The following CPSF2 variants were observed in gnomAD, a reference collection of about 807,000 sequenced individuals.
The protein encoded by CPSF2 is cleavage and polyadenylation specific factor 2, also known as cleavage and polyadenylation specificity factor subunit 2.
Under a neutral mutation model 84.2 loss-of-function variants are expected in CPSF2, and 51 were observed. That is an observed-to-expected ratio of 0.61 (90% CI 0.48 to 0.77). The LOEUF is 0.77. CPSF2 is among the 30% of genes least tolerant of loss of function. The pLI, the probability that CPSF2 is intolerant of heterozygous loss-of-function variation, is 0.00. For synonymous variants in CPSF2, 286 were observed against 311.9 expected, an observed-to-expected ratio of 0.92 and a Z score of 0.87; for missense variants, 641 against 929.4, an observed-to-expected ratio of 0.69 and a Z score of 4.03.
Position 92,154,465 on chromosome 14 carries a change from C to G in CPSF2, c.1241+7C>G, listed in dbSNP as rs1320428698. On this transcript the variant is annotated splice_region_variant and intron_variant, in intron 10 of 15. Coordinates refer to ENST00000298875, the MANE Select transcript of CPSF2 (RefSeq NM_017437.3). Reference sequence around the variant, plus strand: ...AGCTTGAGCAGTCAAAAGAGTGAGTCATTTTCAGACAGATTATAAATTTAT... The same window carrying G: ...AGCTTGAGCAGTCAAAAGAGTGAGTGATTTTCAGACAGATTATAAATTTAT... The G allele has an allele frequency of 2.6e-6, 4 of 1,547,168 alleles. No individual in the cohort carries two copies. Among genetic ancestry groups the G allele is most frequent in the African/African-American group, 1.4e-5 (1 of 72,750 alleles).
chr14:92,158,894 C>T, intron 13 of CPSF2, 89 bp from the exon 14 acceptor site: 1 of 1,209,556 alleles, frequency 8.3e-7, no homozygotes, highest in Non-Finnish European at 1.1e-6. Flanking sequence ...AACATATTAC[C>T]AGAGGTAGAA....
chr14:92,140,798 C>T (rs1366723413), intron 7 of CPSF2, among the ~76,000 whole-genome samples: 1 of 151,956 alleles, frequency 6.6e-6, no homozygotes, highest in African/African-American at 2.4e-5. Flanking sequence ...CCCGTAGTTC[C>T]AGCTGCTTGG....
At position 92,165,473 on chromosome 14, in the gene CPSF2, G is replaced by A. The variant is rs1567029787; in HGVS notation, c.*3729G>A. ...CTTTTTAAATTTTAGTCATCATAGT[G>A]TGGGTGAAGAAGTGTCTCACTGAGG... is the stretch of plus-strand genomic sequence containing the variant. On this transcript the variant is annotated 3_prime_UTR_variant, in exon 16 of 16. Coordinates refer to ENST00000298875, the MANE Select transcript of CPSF2 (RefSeq NM_017437.3). The A allele has an allele frequency of 2.6e-5, 4 of 152,138 alleles. 1 individual carries two copies. Among genetic ancestry groups the A allele is most frequent in the Admixed American group, 1.3e-4 (2 of 15,262 alleles). The allele number at this position is 152,138 out of a possible 1,614,324, so 9.4% of individuals were successfully genotyped here.
rs180801951 is a variant in CPSF2 at position 92,139,234 on chromosome 14, G to A, written c.661+887G>A. 5.2e-3 allele frequency among the ~76,000 whole-genome samples: 793 copies of A among 152,098 alleles called. 4 individuals are homozygous for A. Among genetic ancestry groups the A allele is most frequent in the South Asian group, 0.019 (90 of 4,822 alleles). ...AGATTGAGACCATCCTGGCTAACAC[G>A]GTGAAACCCCGTCTCTACTAAATAT... On this transcript the variant is annotated intron_variant, in intron 7 of 15. Transcript: ENST00000298875.
intron 9 of CPSF2, chr14:92,154,121 G>A (rs987848227): frequency 1.6e-5 from 5 of 307,766 alleles, no homozygotes; most frequent in African/African-American, 1.1e-4. Context: ...ACTGTGCCTG[G>A]CCAACCAGTT....
At chr14:92,149,084 C>T (rs2141472544) in intron 9 of CPSF2, among the ~76,000 whole-genome samples, 1 of 152,246 alleles carries the variant, frequency 6.6e-6, no homozygotes, top group African/African-American at 2.4e-5. Context: ...GAGACCCTTT[C>T]AGGGAGTCCA....
At position 92,161,162 on chromosome 14, in the gene CPSF2, C is replaced by T; in HGVS notation, c.2172C>T (p.Phe724=). Residue 724 remains phenylalanine (F), a synonymous_variant, in exon 15 of 16, where the codon TTC becomes TTT. Transcript: ENST00000298875. ...VFMNEPRLSD[F]KQVLLREGIQ... Reference sequence around the variant, plus strand: ...TGAATGAACCAAGGCTGTCAGACTTCAAGCAAGTTCTCTTACGGGAGGGGA... The same window carrying T: ...TGAATGAACCAAGGCTGTCAGACTTTAAGCAAGTTCTCTTACGGGAGGGGA... 6.2e-7 allele frequency: 1 copy of T among 1,613,922 alleles called. No homozygotes were observed. The highest frequency in any genetic ancestry group is 8.5e-7 in the Non-Finnish European group (1 of 1,179,896).
At chr14:92,161,057 T>G in intron 14 of CPSF2, 55 bp from the exon 15 acceptor site, 1 of 1,552,220 alleles carries the variant, frequency 6.4e-7, no homozygotes, top group East Asian at 2.3e-5. Flanking sequence ...TTCAGTACAG[T>G]TGTATGTCTG....
In CPSF2 at chr14:92,158,964, C is replaced by T. The variant is rs74074439; in HGVS notation, c.1822-19C>T. ...TATTCTGTGGGTTTTATTTCTCTCC[C>T]CCTCCTTTGCATGTCTAGGTGAGGT... On this transcript the variant is annotated intron_variant, in intron 13 of 15. Transcript: ENST00000298875. 4.0e-3 allele frequency: 6,261 copies of T among 1,577,240 alleles called. 232 individuals carry two copies. In the African/African-American group the frequency reaches 0.078, roughly 20 times the overall value.
intron 9 of CPSF2, among the ~76,000 whole-genome samples, chr14:92,151,347 C>T (rs1469676931): frequency 6.6e-6 from 1 of 151,688 alleles, no homozygotes; most frequent in African/African-American, 2.4e-5. Flanking sequence ...GAGCAGTGAT[C>T]ATGCCACTGC....
intron 15 of CPSF2, 79 bp downstream of exon 15, chr14:92,161,325 T>C (rs905053517): frequency 2.7e-6 from 4 of 1,469,188 alleles, no homozygotes; most frequent in Admixed American, 2.5e-5. Flanking sequence ...TAATTCTTGT[T>C]TGGTATTTTC....
In CPSF2 at chr14:92,172,049, T is replaced by G. The variant is rs1290283645; in HGVS notation, c.*10305T>G. The G allele has an allele frequency of 6.6e-6, 1 of 152,204 alleles. No homozygotes were observed. The highest frequency in any genetic ancestry group is 1.5e-5 in the Non-Finnish European group (1 of 68,040). The allele number at this position is 152,204 out of a possible 1,614,324, so 9.4% of individuals were successfully genotyped here. ...CAGTTGAACCCCACAGTGGGAATTT[T>G]AAAGAAGGCACTTTTGGCTCAGATG... On this transcript the variant is annotated 3_prime_UTR_variant, in exon 16 of 16. Coordinates refer to ENST00000298875, the MANE Select transcript of CPSF2 (RefSeq NM_017437.3).
chr14:92,140,441 T>TA (rs2069061632), intron 7 of CPSF2, among the ~76,000 whole-genome samples: 1 of 149,562 alleles, frequency 6.7e-6, no homozygotes. Context: ...TCTCTTTTTT[T>TA]TTTTTTTTTT....
At chr14:92,122,853 C>CTTTTT (rs71123318) in intron 1 of CPSF2, among the ~76,000 whole-genome samples, 6 of 141,192 alleles carry the variant, frequency 4.2e-5, no homozygotes, top group African/African-American at 1.6e-4. Flanking sequence ...TTTTTTCTTT[C>CTTTTT]TTTTTTTTTT....
chr14:92,170,715 A>C lies in CPSF2; in HGVS notation c.*8971A>C, dbSNP rs897764937. The C allele has an allele frequency of 2.0e-5, 3 of 152,174 alleles. No individual in the cohort carries two copies. Among genetic ancestry groups the C allele is most frequent in the African/African-American group, 7.2e-5 (3 of 41,448 alleles). 9.4% of individuals were successfully genotyped at this position (152,174 alleles called of 1,614,324 possible). On this transcript the variant is annotated 3_prime_UTR_variant, in exon 16 of 16. Coordinates refer to ENST00000298875, the MANE Select transcript of CPSF2 (RefSeq NM_017437.3). Reference sequence around the variant, plus strand: ...ATGATGTGCACTTTGGGTTTGTCTGATATTTCCTCAAGATTAGATTCAGGT... The same window carrying C: ...ATGATGTGCACTTTGGGTTTGTCTGCTATTTCCTCAAGATTAGATTCAGGT...
Position 92,157,532 on chromosome 14 carries a change from A to G in CPSF2, c.1596-127A>G. ...AGAAAAATAAAAACAAAAATAAAAT[A>G]AATCATACAGATACTATAACATGTG... On this transcript the variant is annotated intron_variant, in intron 12 of 15. Transcript: ENST00000298875. The surrounding 1 kb of genome is among the most constrained non-coding windows in gnomAD (Gnocchi z 4.0). 1.5e-6 allele frequency: 1 copy of G among 655,060 alleles called. No individual in the cohort carries two copies. Among genetic ancestry groups the G allele is most frequent in the Non-Finnish European group, 2.6e-6 (1 of 383,588 alleles). The allele number at this position is 655,060 out of a possible 1,614,324, so 40.6% of individuals were successfully genotyped here.
At chr14:92,158,320 A>G (rs986815821) in intron 13 of CPSF2, among the ~76,000 whole-genome samples, 1 of 152,106 alleles carries the variant, frequency 6.6e-6, no homozygotes, top group Admixed American at 6.5e-5. Flanking sequence ...TCAAGGTTCT[A>G]CTCCTAATTG....
chr14:92,144,217 T>G (rs1369956613), intron 9 of CPSF2, among the ~76,000 whole-genome samples: 1 of 152,256 alleles, frequency 6.6e-6, no homozygotes, highest in East Asian at 1.9e-4. Context: ...TGTCCACTTG[T>G]GTTCAGGACT....
intron 7 of CPSF2, among the ~76,000 whole-genome samples, chr14:92,140,389 C>T (rs1224017983): frequency 6.6e-6 from 1 of 151,240 alleles, no homozygotes; most frequent in Admixed American, 6.6e-5. Context: ...GGCTTGAAGC[C>T]AGCAGTTCAA....
Sources: allele counts gnomAD v4.1 joint callset (sites outside exome capture counted in the v4.1 genomes callset), GRCh38; gene constraint gnomAD v4.1.1; non-coding constraint Gnocchi (gnomAD v3.1); transcripts MANE v1.5; gene names NCBI Gene and HGNC (gene_info 2026-07-23, HGNC 2026-07-21).